SNX24: variants seen among roughly 807,000 people sequenced by gnomAD.
The protein encoded by SNX24 is sorting nexin-24.
A neutral mutation model predicts 28.7 loss-of-function variants in SNX24; 22 were observed. That is an observed-to-expected ratio of 0.77 (90% CI 0.55 to 1.10). The LOEUF (loss-of-function observed/expected upper bound fraction) is 1.10, where lower values mean the gene tolerates loss of function less well. Ranked by LOEUF, SNX24 falls within the 50% of genes least tolerant of loss-of-function variation. The pLI is 0.00. For missense variants in SNX24, 221 were observed against 201.1 expected, an observed-to-expected ratio of 1.10 and a Z score of -0.60; for synonymous variants, 69 against 71.5, an observed-to-expected ratio of 0.96 and a Z score of 0.18.
At chr5:122,847,789 C>G (rs1163953558) in intron 1 of SNX24, among the ~76,000 whole-genome samples, 1 of 152,154 alleles carries the variant, frequency 6.6e-6, no homozygotes, top group Admixed American at 6.5e-5. Context: ...CCACCACACC[C>G]AGCCCTAAAA....
intron 5 of SNX24, among the ~76,000 whole-genome samples, chr5:123,014,333 A>ATTTTTTTTTTTTTTTTTTT (rs70988553): frequency 1.3e-5 from 1 of 77,270 alleles, no homozygotes. Flanking sequence ...TGCCCAGCTG[A>ATTTTTTTTTTTTTTTTTTT]TTTTTTTTTT....
intron 3 of SNX24, among the ~76,000 whole-genome samples, chr5:122,997,658 C>T (rs1762097417): frequency 6.6e-6 from 1 of 152,180 alleles, no homozygotes; most frequent in Non-Finnish European, 1.5e-5. Context: ...GAGATGTCTT[C>T]CTCCATACTG....
intron 1 of SNX24, among the ~76,000 whole-genome samples, chr5:122,913,668 G>A (rs945341335): frequency 6.6e-6 from 1 of 152,160 alleles, no homozygotes; most frequent in African/African-American, 2.4e-5. Context: ...TCTCAGACGG[G>A]GCAGCCGGGC....
chr5:123,008,035 A>C lies in SNX24; in HGVS notation c.*286A>C. The C allele has an allele frequency of 9.0e-7, 1 of 1,107,286 alleles. No homozygotes were observed. Among genetic ancestry groups the C allele is most frequent in the Non-Finnish European group, 1.1e-6 (1 of 907,260 alleles). 68.6% of individuals were successfully genotyped at this position (1,107,286 alleles called of 1,614,324 possible). ...AAGGAGGCCACAGGAGATTCCTGGGAGCACTGGGTGTAGCAAAACAAAGCC... is the reference window on the plus strand; with the variant it reads ...AAGGAGGCCACAGGAGATTCCTGGGCGCACTGGGTGTAGCAAAACAAAGCC... On this transcript the variant is annotated 3_prime_UTR_variant, in exon 7 of 7. Coordinates refer to ENST00000261369, the MANE Select transcript of SNX24 (RefSeq NM_014035.4).
Position 123,008,223 on chromosome 5 carries a change from C to T in SNX24, c.*474C>T. 4 of 985,934 alleles carry T rather than the reference C, an allele frequency of 4.1e-6. No homozygotes were observed. The highest frequency in any genetic ancestry group is 4.8e-6 in the Non-Finnish European group (4 of 830,344). The allele number at this position is 985,934 out of a possible 1,614,324, so 61.1% of individuals were successfully genotyped here. A position where few individuals can be genotyped will look rare whatever the true frequency, so the allele number is the denominator to read the frequency against. On this transcript the variant is annotated 3_prime_UTR_variant, in exon 7 of 7. Transcript: ENST00000261369. The stretch of plus-strand genomic sequence containing the variant: ...GATAGTACATTCTGAAATGCTGGCA[C>T]CAGGAGACGGCCACAGACACACACT...
Position 122,949,602 on chromosome 5 carries a change from C to T in SNX24, c.249+3443C>T, listed in dbSNP as rs577560538. Among the ~76,000 whole-genome samples the T allele has an allele frequency of 2.6e-4, 39 of 152,146 alleles. No individual in the cohort carries two copies. The South Asian group carries it at 7.3e-3, about 28-fold the overall frequency. Reference sequence around the variant, plus strand: ...TGAATTTACCTTGAAAAACTTCTGCCGTTCTAGAGATTTCCATATGATCAT... The same window carrying T: ...TGAATTTACCTTGAAAAACTTCTGCTGTTCTAGAGATTTCCATATGATCAT... On this transcript the variant is annotated intron_variant, in intron 3 of 6. Coordinates refer to ENST00000261369, the MANE Select transcript of SNX24 (RefSeq NM_014035.4).
At chr5:122,970,508 GC>G (rs1554077232) in intron 3 of SNX24, among the ~76,000 whole-genome samples, 3 of 151,832 alleles carry the variant, frequency 2.0e-5, no homozygotes, top group Non-Finnish European at 4.4e-5. Context: ...TCGCTCTGTC[GC>G]CCAGGCTGGA....
intron 1 of SNX24, chr5:122,853,893 A>G (rs1019671467): frequency 3.2e-5 from 5 of 157,522 alleles, no homozygotes; most frequent in African/African-American, 9.6e-5. Flanking sequence ...TTGGTTCTCT[A>G]CTTAAAACAC....
intron 1 of SNX24, among the ~76,000 whole-genome samples, chr5:122,882,293 A>C (rs1280958549): frequency 1.3e-5 from 2 of 152,176 alleles, no homozygotes; most frequent in Non-Finnish European, 2.9e-5. Context: ...CTGTGGCTGA[A>C]TTTAGCATTA....
chr5:122,940,607 T>G (rs1338937596), intron 2 of SNX24, among the ~76,000 whole-genome samples: 2 of 152,172 alleles, frequency 1.3e-5, no homozygotes, highest in Non-Finnish European at 2.9e-5. Context: ...AGTCTCACTT[T>G]ATCACCCAGG....
intron 1 of SNX24, chr5:122,853,673 G>C: frequency 2.5e-6 from 1 of 396,872 alleles, no homozygotes; most frequent in Non-Finnish European, 5.1e-6. Flanking sequence ...TTTTCGTACA[G>C]GTGAGGGTCT....
chr5:122,891,019 C>T (rs979444029), intron 1 of SNX24: 1 of 1,474,856 alleles, frequency 6.8e-7, no homozygotes, highest in South Asian at 1.5e-5. Flanking sequence ...TTCTGTCTTA[C>T]CTCTCAGGTG....
intron 3 of SNX24, among the ~76,000 whole-genome samples, chr5:122,981,293 A>G (rs1198102479): frequency 6.6e-6 from 1 of 152,206 alleles, no homozygotes; most frequent in Non-Finnish European, 1.5e-5. Context: ...AGTATTAGCC[A>G]TATTTAACAG....
intron 2 of SNX24, among the ~76,000 whole-genome samples, chr5:122,937,508 A>G (rs964004014): frequency 2.0e-5 from 3 of 152,226 alleles, no homozygotes; most frequent in Admixed American, 6.5e-5. Context: ...TTTCTAGATT[A>G]TAAGTTATTA....
chr5:122,963,151 T>G (rs1009369855), intron 3 of SNX24, among the ~76,000 whole-genome samples: 2 of 152,170 alleles, frequency 1.3e-5, no homozygotes, highest in Non-Finnish European at 2.9e-5. Flanking sequence ...GGAGAATCGC[T>G]TGAACCTGGG....
chr5:122,926,827 A>G (rs1044435165), intron 1 of SNX24, among the ~76,000 whole-genome samples: 7 of 152,316 alleles, frequency 4.6e-5, no homozygotes, highest in African/African-American at 1.4e-4. Flanking sequence ...ATCCAGGCCT[A>G]TGAATGGGCA....
At chr5:123,010,096 G>A (rs1449792017), downstream of SNX24, among the ~76,000 whole-genome samples, 1 of 152,150 alleles carries the variant, frequency 6.6e-6, no homozygotes, top group Non-Finnish European at 1.5e-5. Flanking sequence ...ATCAACATCC[G>A]TGGCCTTGCT....
intron 1 of SNX24, among the ~76,000 whole-genome samples, chr5:122,885,974 CGCTGATCCGACCT>C (rs1200184626): frequency 1.4e-5 from 2 of 145,358 alleles, no homozygotes; most frequent in East Asian, 4.2e-4. Flanking sequence ...CTAATGCCCC[CGCTGATCCGACCT>C]GCTGTGTGGC....
At chr5:122,933,305 C>G (rs1195236279) in intron 1 of SNX24, among the ~76,000 whole-genome samples, 1 of 152,202 alleles carries the variant, frequency 6.6e-6, no homozygotes, top group South Asian at 2.1e-4. Context: ...GCTCTGAGCC[C>G]TCCTCACTCC....
Sources: allele counts gnomAD v4.1 joint callset (sites outside exome capture counted in the v4.1 genomes callset), GRCh38; gene constraint gnomAD v4.1.1; transcripts MANE v1.5; gene names NCBI Gene and HGNC (gene_info 2026-07-23, HGNC 2026-07-21).